The following FMN2 variants were observed in gnomAD, a reference collection of about 807,000 sequenced individuals.
FMN2 encodes the protein formin-2.
Under a neutral mutation model 142.3 loss-of-function variants are expected in FMN2, and 51 were observed. The observed-to-expected ratio is 0.36, with a 90% CI of 0.29 to 0.45. FMN2 has a LOEUF of 0.45. FMN2 is among the 20% of genes least tolerant of loss of function. FMN2 has a pLI of 1.00. For synonymous variants in FMN2, 882 were observed against 869.8 expected, an observed-to-expected ratio of 1.01 and a Z score of -0.25; for missense variants, 1,936 against 2,122.8, an observed-to-expected ratio of 0.91 and a Z score of 1.73.
At chr1:240,471,138 A>G (rs1036939960) in intron 16 of FMN2, among the ~76,000 whole-genome samples, 13 of 152,276 alleles carry the variant, frequency 8.5e-5, no homozygotes, top group Admixed American at 2.6e-4. Context: ...GGTCAGTTCA[A>G]TGTTGTTTTC....
intron 3 of FMN2, among the ~76,000 whole-genome samples, chr1:240,184,563 T>C (rs1665313887): frequency 6.6e-6 from 1 of 151,364 alleles, no homozygotes; most frequent in African/African-American, 2.4e-5. Flanking sequence ...TTTCTTAATT[T>C]TAAGGATGGG....
In FMN2 at chr1:240,247,433, C is replaced by T. The variant is rs373347146; in HGVS notation, c.4066-10512C>T. On this transcript the variant is annotated intron_variant, in intron 6 of 17. Coordinates refer to ENST00000319653, the MANE Select transcript of FMN2 (RefSeq NM_020066.5). The stretch of plus-strand genomic sequence containing the variant: ...AGGAGAATCGCTTGAACCTGGGAGG[C>T]GGAGATTGCAGTGAGCTGAGATCGT... Among the ~76,000 whole-genome samples, 87 of 149,780 alleles carry T rather than the reference C, an allele frequency of 5.8e-4. No individual in the cohort carries two copies. In the East Asian group the frequency reaches 0.012, roughly 21 times the overall value.
At chr1:240,340,416 A>G (rs1185636311) in intron 13 of FMN2, among the ~76,000 whole-genome samples, 1 of 152,012 alleles carries the variant, frequency 6.6e-6, no homozygotes, top group East Asian at 1.9e-4. Flanking sequence ...CCCCATCTCT[A>G]CTAAAAATAT....
chr1:240,420,462 T>C (rs1674724601), intron 15 of FMN2, among the ~76,000 whole-genome samples: 2 of 152,200 alleles, frequency 1.3e-5, no homozygotes, highest in African/African-American at 4.8e-5. Flanking sequence ...CTTACCCCTT[T>C]TCAGGCCTAG....
chr1:240,197,591 G>A (rs561043106), intron 4 of FMN2, among the ~76,000 whole-genome samples: 2 of 152,126 alleles, frequency 1.3e-5, no homozygotes, highest in Non-Finnish European at 2.9e-5. Context: ...ACACTCATCT[G>A]GTGTCTATAA....
intron 13 of FMN2, among the ~76,000 whole-genome samples, chr1:240,334,443 G>T (rs1558439275): frequency 6.6e-6 from 1 of 152,000 alleles, no homozygotes; most frequent in Non-Finnish European, 1.5e-5. Flanking sequence ...GTAATATCTT[G>T]GTTATTTCAA....
At chr1:240,367,323 A>T (rs1486265535) in intron 14 of FMN2, among the ~76,000 whole-genome samples, 7 of 152,182 alleles carry the variant, frequency 4.6e-5, no homozygotes, top group African/African-American at 1.7e-4. Flanking sequence ...GGACATTAAA[A>T]TGTGGTCAGA....
intron 16 of FMN2, among the ~76,000 whole-genome samples, chr1:240,464,265 T>C (rs1676540994): frequency 6.6e-6 from 1 of 152,170 alleles, no homozygotes; most frequent in African/African-American, 2.4e-5. Flanking sequence ...CATTCTAAAA[T>C]TATGGGGGAG....
Position 240,321,195 on chromosome 1 carries a change from G to A in FMN2, c.4216-7881G>A, listed in dbSNP as rs528230774. On this transcript the variant is annotated intron_variant, in intron 8 of 17. Coordinates refer to ENST00000319653, the MANE Select transcript of FMN2 (RefSeq NM_020066.5). ...GAACACCATTTCTACCTGAAAACCA[G>A]ACTGCAAACCGTGGTTATTCATACC... Among the ~76,000 whole-genome samples, 14 of 151,472 alleles carry A rather than the reference G, an allele frequency of 9.2e-5. No homozygotes were observed. The East Asian group carries it at 2.7e-3, about 29-fold the overall frequency.
At chr1:240,416,406 G>A (rs572570843) in intron 15 of FMN2, among the ~76,000 whole-genome samples, 2 of 151,796 alleles carry the variant, frequency 1.3e-5, no homozygotes, top group African/African-American at 2.4e-5. Context: ...GACTACAGAC[G>A]TGCCACCACC....
chr1:240,224,150 T>G (rs1044727078), intron 6 of FMN2, among the ~76,000 whole-genome samples: 1 of 152,206 alleles, frequency 6.6e-6, no homozygotes, highest in Non-Finnish European at 1.5e-5. Flanking sequence ...TAATTACTGC[T>G]TTAGCTGTGT....
rs138660821 is a variant in FMN2, at chr1:240,292,527, G to A, written c.4154-2295G>A. ...CTTCTAGTATACTAGTGTAATCCCTGATGTATAGGAAACACCTCACATTTG... is the reference window on the plus strand; with the variant it reads ...CTTCTAGTATACTAGTGTAATCCCTAATGTATAGGAAACACCTCACATTTG... On this transcript the variant is annotated intron_variant, in intron 7 of 17. Transcript: ENST00000319653. 3.8e-3 allele frequency among the ~76,000 whole-genome samples: 573 copies of A among 152,174 alleles called. 3 individuals carry two copies. Among genetic ancestry groups the A allele is most frequent in the African/African-American group, 0.013 (545 of 41,528 alleles).
At chr1:240,455,098 T>C (rs1483608823) in intron 16 of FMN2, among the ~76,000 whole-genome samples, 1 of 151,852 alleles carries the variant, frequency 6.6e-6, no homozygotes, top group African/African-American at 2.4e-5. Context: ...AATCCACTAG[T>C]GTGTCCCAGA....
Position 240,329,360 on chromosome 1 carries a change from A to T in FMN2, c.4329A>T (p.Leu1443=). The change falls in exon 10 of 18, where the codon CTA becomes CTT. Residue 1443 remains leucine (L), a synonymous_variant. Coordinates refer to ENST00000319653, the MANE Select transcript of FMN2 (RefSeq NM_020066.5). ...KPEQFLYELS[L]IPNFSERVFC... is the part of the protein sequence containing the mutation. ...TTAGGTTCCTTTATGAACTGTCACT[A>T]ATCCCCAACTTTTCAGAGCGAGTCT... 6.2e-7 allele frequency: 1 copy of T among 1,613,338 alleles called. No individual in the cohort carries two copies. The highest frequency in any genetic ancestry group is 1.3e-5 in the African/African-American group (1 of 74,980).
chr1:240,341,352 A>G (rs1671735202), intron 13 of FMN2: 1 of 152,156 alleles, frequency 6.6e-6, no homozygotes, highest in Non-Finnish European at 1.5e-5. Context: ...TGTCCTTCAG[A>G]GTCACTAGTT....
chr1:240,436,083 G>A (rs1047675692), intron 15 of FMN2, among the ~76,000 whole-genome samples: 7 of 152,148 alleles, frequency 4.6e-5, no homozygotes, highest in African/African-American at 1.7e-4. Context: ...CTTAGACTCT[G>A]TGTGTTCTCT....
intron 6 of FMN2, among the ~76,000 whole-genome samples, chr1:240,236,387 C>T (rs984243749): frequency 2.6e-5 from 4 of 152,118 alleles, no homozygotes; most frequent in Admixed American, 1.3e-4. Flanking sequence ...ATTTCCTCGT[C>T]GCCAGCATTA....
At chr1:240,316,985 G>A (rs1670804858) in intron 8 of FMN2, among the ~76,000 whole-genome samples, 1 of 152,126 alleles carries the variant, frequency 6.6e-6, no homozygotes, top group South Asian at 2.1e-4. Context: ...CGTGTCACAT[G>A]TTGATTCCTA....
At chr1:240,285,025 C>G (rs1669537092) in intron 7 of FMN2, among the ~76,000 whole-genome samples, 1 of 151,920 alleles carries the variant, frequency 6.6e-6, no homozygotes, top group African/African-American at 2.4e-5. Flanking sequence ...TCTTCGTTTC[C>G]TTTTTGATCT....
Sources: gnomAD v4.1 joint callset for allele counts (sites outside exome capture counted in the v4.1 genomes callset) on GRCh38, gnomAD v4.1.1 for gene constraint, MANE v1.5 for transcripts, NCBI Gene and HGNC (gene_info 2026-07-23, HGNC 2026-07-21) for gene names.